The following HCN1 variants were observed in gnomAD, a reference collection of about 807,000 sequenced individuals.
HCN1 encodes the protein hyperpolarization activated cyclic nucleotide gated potassium channel 1, also known as potassium/sodium hyperpolarization-activated cyclic nucleotide-gated channel 1.
A neutral mutation model predicts 78.9 loss-of-function variants in HCN1; 13 were observed. The observed-to-expected ratio is 0.16, with a 90% CI of 0.11 to 0.26. The LOEUF (loss-of-function observed/expected upper bound fraction) is 0.26, where lower values mean the gene tolerates loss of function less well. Ranked by LOEUF, HCN1 falls within the 10% of genes least tolerant of loss-of-function variation. The probability of loss-of-function intolerance (pLI) is 1.00; values close to 1 mark genes in which losing one functional copy is unlikely to be tolerated. For missense variants in HCN1, 810 were observed against 1,154.3 expected, an observed-to-expected ratio of 0.70 and a Z score of 4.32; for synonymous variants, 552 against 455.5, an observed-to-expected ratio of 1.21 and a Z score of -2.70.
intron 5 of HCN1, among the ~76,000 whole-genome samples, chr5:45,348,009 A>G (rs1290926512): frequency 6.6e-6 from 1 of 152,194 alleles, no homozygotes; most frequent in East Asian, 1.9e-4. Flanking sequence ...CAGGAAATAC[A>G]GAGAACGCCA....
At chr5:45,598,544 G>A (rs375892206) in intron 2 of HCN1, among the ~76,000 whole-genome samples, 21 of 152,020 alleles carry the variant, frequency 1.4e-4, no homozygotes, top group Non-Finnish European at 2.1e-4. Context: ...AAGCAATGGC[G>A]ACAAAAGCCA....
At position 45,352,680 on chromosome 5, in the gene HCN1, TTGAA is replaced by T. The variant is rs1746933907; in HGVS notation, c.1377+416_1377+419del. ...GGTGGTTATTAATGTTGCAAAGTGT[TTGAA>T]TGAGATAATAGGAAATGAACTGCTC... On this transcript the variant is annotated intron_variant, in intron 5 of 7. Transcript: ENST00000303230. 3.3e-5 allele frequency among the ~76,000 whole-genome samples: 5 copies of T among 151,880 alleles called. No individual in the cohort carries two copies. The South Asian group carries it at 8.3e-4, about 25-fold the overall frequency.
intron 5 of HCN1, among the ~76,000 whole-genome samples, chr5:45,305,720 G>A (rs1745719605): frequency 6.6e-6 from 1 of 150,414 alleles, no homozygotes; most frequent in African/African-American, 2.4e-5. Context: ...GGGAGCAGGT[G>A]GGAAGGAAAG....
At chr5:45,591,827 C>A (rs1474141184) in intron 2 of HCN1, among the ~76,000 whole-genome samples, 3 of 152,134 alleles carry the variant, frequency 2.0e-5, no homozygotes, top group Non-Finnish European at 4.4e-5. Context: ...ATTTCATAGA[C>A]TGTGCCTTTG....
chr5:45,627,003 A>G (rs1293451514), intron 2 of HCN1, among the ~76,000 whole-genome samples: 1 of 151,862 alleles, frequency 6.6e-6, no homozygotes, highest in Non-Finnish European at 1.5e-5. Flanking sequence ...GTATATATAT[A>G]TATGTATGTG....
intron 5 of HCN1, among the ~76,000 whole-genome samples, chr5:45,335,100 G>T (rs987164390): frequency 6.6e-6 from 1 of 151,950 alleles, no homozygotes; most frequent in African/African-American, 2.4e-5. Flanking sequence ...CACATGATCT[G>T]TACCTATTTT....
chr5:45,638,178 G>A (rs1053127586), intron 2 of HCN1, among the ~76,000 whole-genome samples: 43 of 152,054 alleles, frequency 2.8e-4, no homozygotes, highest in African/African-American at 9.7e-4. Context: ...TTGAGCAACA[G>A]GAAATAAGGG....
chr5:45,387,669 C>G (rs1026838570), intron 4 of HCN1, among the ~76,000 whole-genome samples: 1 of 151,994 alleles, frequency 6.6e-6, no homozygotes, highest in Non-Finnish European at 1.5e-5. Flanking sequence ...ACTTCTTACC[C>G]TGTATATCTC....
intron 1 of HCN1, among the ~76,000 whole-genome samples, chr5:45,672,056 A>C (rs1386609105): frequency 6.6e-6 from 1 of 151,558 alleles, no homozygotes; most frequent in African/African-American, 2.4e-5. Context: ...GAGAGGAAAG[A>C]AAGAGAGAGA....
At chr5:45,580,777 G>C in intron 2 of HCN1, among the ~76,000 whole-genome samples, 1 of 152,104 alleles carries the variant, frequency 6.6e-6, no homozygotes, top group East Asian at 1.9e-4. Flanking sequence ...CTATGAGTGA[G>C]AACATGCGGT....
chr5:45,450,950 G>A (rs62369080), intron 3 of HCN1, among the ~76,000 whole-genome samples: 8,166 of 152,114 alleles, frequency 0.054, 301 homozygotes, highest in East Asian at 0.14. Flanking sequence ...TATTGTATTA[G>A]CTATTTGGCT....
chr5:45,673,416 T>C (rs746586533), intron 1 of HCN1, among the ~76,000 whole-genome samples: 2 of 151,578 alleles, frequency 1.3e-5, no homozygotes, highest in Non-Finnish European at 3.0e-5. Flanking sequence ...GAGGGTATAA[T>C]AGCTACACAA....
At chr5:45,520,112 G>T (rs1040976227) in intron 2 of HCN1, among the ~76,000 whole-genome samples, 4 of 151,980 alleles carry the variant, frequency 2.6e-5, no homozygotes, top group African/African-American at 9.7e-5. Context: ...GTTCACATAT[G>T]TGTGCTTAGG....
intron 1 of HCN1, among the ~76,000 whole-genome samples, chr5:45,679,159 G>A (rs1739655615): frequency 6.6e-6 from 1 of 152,046 alleles, no homozygotes; most frequent in Non-Finnish European, 1.5e-5. Flanking sequence ...CTCTGAGCCA[G>A]GTCTCTGTGT....
chr5:45,430,614 G>C (rs943964829), intron 3 of HCN1, among the ~76,000 whole-genome samples: 1 of 152,050 alleles, frequency 6.6e-6, no homozygotes, highest in Admixed American at 6.6e-5. Flanking sequence ...CAAAGAACAT[G>C]ATATTGTTCT....
At chr5:45,285,047 C>G (rs533948862) in intron 6 of HCN1, among the ~76,000 whole-genome samples, 1 of 152,002 alleles carries the variant, frequency 6.6e-6, no homozygotes, top group African/African-American at 2.4e-5. Context: ...TCATGCTTCA[C>G]TTTGGAATGA....
intron 5 of HCN1, among the ~76,000 whole-genome samples, chr5:45,344,812 C>A (rs1239899304): frequency 6.6e-6 from 1 of 152,122 alleles, no homozygotes; most frequent in Non-Finnish European, 1.5e-5. Context: ...TGAGTATCTG[C>A]AGTTTTTCCA....
At chr5:45,585,365 G>T (rs1302810787) in intron 2 of HCN1, among the ~76,000 whole-genome samples, 3 of 152,146 alleles carry the variant, frequency 2.0e-5, no homozygotes, top group Admixed American at 6.5e-5. Context: ...TCGTGCCATG[G>T]TTTTCAGCTC....
chr5:45,462,656 A>G (rs1377787455), intron 2 of HCN1, among the ~76,000 whole-genome samples: 1 of 152,104 alleles, frequency 6.6e-6, no homozygotes, highest in Non-Finnish European at 1.5e-5. Flanking sequence ...TTTATGGTAC[A>G]GGCTTTACTT....
Sources: gnomAD v4.1 joint callset for allele counts (sites outside exome capture counted in the v4.1 genomes callset) on GRCh38, gnomAD v4.1.1 for gene constraint, MANE v1.5 for transcripts, NCBI Gene and HGNC (gene_info 2026-07-23, HGNC 2026-07-21) for gene names.